Variants in HCN1 observed in about 807,000 individuals in gnomAD.
HCN1 encodes the protein hyperpolarization activated cyclic nucleotide gated potassium channel 1.
A neutral mutation model predicts 78.9 loss-of-function variants in HCN1; 13 were observed. The observed-to-expected ratio is 0.16, with a 90% CI of 0.11 to 0.26. The LOEUF is 0.26. HCN1 is among the 10% of genes least tolerant of loss of function. HCN1 has a pLI of 1.00. For synonymous variants in HCN1, 552 were observed against 455.5 expected (o/e 1.21, Z -2.70); for missense variants, 810 against 1,154.3 (o/e 0.70, Z 4.32).
rs1163135728 is a variant in HCN1, at chr5:45,376,078, ATATAT to A, written c.1230+20409_1230+20413del. Among the ~76,000 whole-genome samples, 15 of 111,220 alleles carry A rather than the reference ATATAT, an allele frequency of 1.3e-4. No homozygotes were observed. In the South Asian group the frequency reaches 1.6e-3, roughly 12 times the overall value. 73.0% of individuals were successfully genotyped at this position (111,220 alleles called of 152,430 possible). On this transcript the variant is annotated intron_variant, in intron 4 of 7. Transcript: ENST00000303230. Reference sequence around the variant, plus strand: ...TATATACAATATAATATGTTATAATATATATTATATTATATATAATATAATGTTTT... The same window carrying A: ...TATATACAATATAATATGTTATAATATATATTATATATAATATAATGTTTT...
chr5:45,540,247 A>T (rs146790543), intron 2 of HCN1, among the ~76,000 whole-genome samples: 18 of 152,112 alleles, frequency 1.2e-4, no homozygotes, highest in African/African-American at 3.6e-4. Flanking sequence ...TTTCCATGTA[A>T]GTACTCCAGC....
At chr5:45,559,420 A>T (rs1743549817) in intron 2 of HCN1, 2 of 152,234 alleles carry the variant, frequency 1.3e-5, no homozygotes, top group Non-Finnish European at 2.9e-5. Context: ...GTCATTAAGA[A>T]CATCTGTGAT....
At chr5:45,623,755 C>A (rs1215769702) in intron 2 of HCN1, among the ~76,000 whole-genome samples, 3 of 152,082 alleles carry the variant, frequency 2.0e-5, no homozygotes, top group Non-Finnish European at 4.4e-5. Context: ...CTAGAGCTCT[C>A]ATTCTGGAAG....
At chr5:45,516,772 T>C (rs1273652504) in intron 2 of HCN1, among the ~76,000 whole-genome samples, 1 of 152,002 alleles carries the variant, frequency 6.6e-6, no homozygotes, top group Non-Finnish European at 1.5e-5. Context: ...TCTTATACTT[T>C]GTATTTGATC....
intron 2 of HCN1, among the ~76,000 whole-genome samples, chr5:45,610,141 G>C (rs573278828): frequency 1.3e-5 from 2 of 152,158 alleles, no homozygotes; most frequent in East Asian, 1.9e-4. Context: ...ACTTAAAAGA[G>C]GTGTGATTTT....
At chr5:45,484,539 CT>C (rs903178485) in intron 2 of HCN1, among the ~76,000 whole-genome samples, 1 of 152,296 alleles carries the variant, frequency 6.6e-6, no homozygotes, top group African/African-American at 2.4e-5. Flanking sequence ...TGCCCTCCCC[CT>C]CTCTTCCTTT....
chr5:45,347,798 G>A (rs1385853544), intron 5 of HCN1, among the ~76,000 whole-genome samples: 1 of 152,118 alleles, frequency 6.6e-6, no homozygotes, highest in Non-Finnish European at 1.5e-5. Context: ...AATGAAGTGA[G>A]AAGGGAAGTT....
intron 2 of HCN1, among the ~76,000 whole-genome samples, chr5:45,633,121 CAG>C (rs929719794): frequency 1.3e-5 from 2 of 151,806 alleles, no homozygotes. Context: ...TGACTAAATG[CAG>C]AGTTTTTAAG....
At chr5:45,679,791 A>G (rs1301625539) in intron 1 of HCN1, among the ~76,000 whole-genome samples, 2 of 152,102 alleles carry the variant, frequency 1.3e-5, no homozygotes, top group South Asian at 2.1e-4. Flanking sequence ...GCTTCTAAAT[A>G]TTGCCTTACA....
chr5:45,522,131 C>T (rs1044873390), intron 2 of HCN1, among the ~76,000 whole-genome samples: 2 of 151,908 alleles, frequency 1.3e-5, no homozygotes, highest in African/African-American at 4.8e-5. Flanking sequence ...TTTTATTCCA[C>T]TTCTTTAAAA....
At position 45,651,186 on chromosome 5, in the gene HCN1, C is replaced by T. The variant is rs530321526; in HGVS notation, c.426-5578G>A. ...AAGTCAAATAATGTCATAAATCTGT[C>T]CCCTCAACTCACACTTAAGATTCAC... is the stretch of plus-strand genomic sequence containing the variant. On this transcript the variant is annotated intron_variant, in intron 1 of 7. Transcript: ENST00000303230. Among the ~76,000 whole-genome samples, 7 of 151,990 alleles carry T rather than the reference C, an allele frequency of 4.6e-5. 1 individual carries two copies. Among genetic ancestry groups the T allele is most frequent in the Non-Finnish European group, 8.8e-5 (6 of 67,920 alleles).
chr5:45,568,652 A>T (rs560962565), intron 2 of HCN1, among the ~76,000 whole-genome samples: 1 of 152,138 alleles, frequency 6.6e-6, no homozygotes, highest in African/African-American at 2.4e-5. Flanking sequence ...TATCCATTAA[A>T]TTGGTAAGCA....
At chr5:45,478,587 T>C (rs909107151) in intron 2 of HCN1, among the ~76,000 whole-genome samples, 2 of 152,140 alleles carry the variant, frequency 1.3e-5, no homozygotes, top group African/African-American at 4.8e-5. Flanking sequence ...AAGAAAAGAA[T>C]CACAGTGAGA....
intron 6 of HCN1, among the ~76,000 whole-genome samples, chr5:45,297,446 G>A (rs1385140369): frequency 2.0e-5 from 3 of 152,126 alleles, no homozygotes; most frequent in African/African-American, 7.2e-5. Context: ...GATTTTGGGG[G>A]GCTTGCTCCC....
intron 3 of HCN1, among the ~76,000 whole-genome samples, chr5:45,406,943 C>T (rs1450191429): frequency 1.3e-5 from 2 of 152,064 alleles, no homozygotes; most frequent in African/African-American, 4.8e-5. Context: ...TTCTTTCCAC[C>T]TAACCCCAAA....
At chr5:45,515,483 C>G (rs1426935190) in intron 2 of HCN1, among the ~76,000 whole-genome samples, 1 of 151,960 alleles carries the variant, frequency 6.6e-6, no homozygotes, top group Admixed American at 6.6e-5. Flanking sequence ...CCATTCAATT[C>G]AATTCAAAAT....
At chr5:45,581,260 G>A (rs956188170) in intron 2 of HCN1, among the ~76,000 whole-genome samples, 2 of 152,148 alleles carry the variant, frequency 1.3e-5, no homozygotes, top group Non-Finnish European at 2.9e-5. Flanking sequence ...TCTCATTGTG[G>A]TTTTGATTTG....
chr5:45,304,038 C>A (rs534352874), intron 5 of HCN1, among the ~76,000 whole-genome samples, 199 bp from the exon 6 acceptor site: 44 of 152,188 alleles, frequency 2.9e-4, no homozygotes, highest in Non-Finnish European at 3.4e-4. Flanking sequence ...GTATTCCCAG[C>A]ACCTAGTGTA....
chr5:45,364,531 A>G (rs965997087), intron 4 of HCN1, among the ~76,000 whole-genome samples: 1 of 152,056 alleles, frequency 6.6e-6, no homozygotes, highest in Non-Finnish European at 1.5e-5. Flanking sequence ...TCATGAGCAC[A>G]TCAAACGCAA....
Sources: gnomAD v4.1 joint callset for allele counts (sites outside exome capture counted in the v4.1 genomes callset) on GRCh38, gnomAD v4.1.1 for gene constraint, MANE v1.5 for transcripts, NCBI Gene and HGNC (gene_info 2026-07-23, HGNC 2026-07-21) for gene names.